Variants in SCEL observed in about 807,000 individuals in gnomAD.
The protein encoded by SCEL is sciellin.
Under a neutral mutation model 117.6 loss-of-function variants are expected in SCEL, and 113 were observed. The ratio of observed to expected loss-of-function variants is 0.96; its 90% CI spans 0.83 to 1.12. SCEL has a LOEUF of 1.12. SCEL is among the 50% of genes most tolerant of loss of function. The pLI, the probability that SCEL is intolerant of heterozygous loss-of-function variation, is 0.00. For missense variants in SCEL, 785 were observed against 810.8 expected, an observed-to-expected ratio of 0.97 and a Z score of 0.39; for synonymous variants, 270 against 256.2, an observed-to-expected ratio of 1.05 and a Z score of -0.51.
chr13:77,547,662 G>A lies in SCEL; in HGVS notation c.-19-8195G>A, dbSNP rs988794654. The stretch of plus-strand genomic sequence containing the variant: ...CAAAGAGCTCTGTAGAGGAAAACAG[G>A]TATCTCTTCATCATTTTATATTTAG... On this transcript the variant is annotated intron_variant, in intron 1 of 32. Coordinates refer to ENST00000349847, the MANE Select transcript of SCEL (RefSeq NM_144777.3). 3.9e-5 allele frequency among the ~76,000 whole-genome samples: 6 copies of A among 152,230 alleles called. No homozygotes were observed. In the South Asian group the frequency reaches 6.2e-4, roughly 16 times the overall value.
chr13:77,586,293 A>G (rs1270488739), intron 9 of SCEL, among the ~76,000 whole-genome samples: 1 of 152,064 alleles, frequency 6.6e-6, no homozygotes, highest in East Asian at 1.9e-4. Context: ...TTGCCCTGTA[A>G]ATAACCACAT....
chr13:77,632,443 C>G (rs558398740), intron 28 of SCEL, among the ~76,000 whole-genome samples: 1 of 152,290 alleles, frequency 6.6e-6, no homozygotes, highest in South Asian at 2.1e-4. Context: ...TTCTAATAAT[C>G]GTGTTAGAAA....
intron 1 of SCEL, among the ~76,000 whole-genome samples, chr13:77,552,941 C>T (rs981757365): frequency 1.3e-5 from 2 of 152,118 alleles, no homozygotes; most frequent in African/African-American, 4.8e-5. Context: ...AGCCAGTTTT[C>T]CCAGCACCAT....
At chr13:77,550,657 T>C (rs1481346483) in intron 1 of SCEL, among the ~76,000 whole-genome samples, 1 of 152,178 alleles carries the variant, frequency 6.6e-6, no homozygotes, top group African/African-American at 2.4e-5. Context: ...TTTAACTTAA[T>C]GTTTCAAGTT....
chr13:77,579,194 A>G (rs2154398573), intron 9 of SCEL, among the ~76,000 whole-genome samples: 1 of 152,306 alleles, frequency 6.6e-6, no homozygotes, highest in South Asian at 2.1e-4. Flanking sequence ...TACTTTTGTC[A>G]TCTGGACTCA....
At chr13:77,616,742 CTTTT>C (rs35205050) in intron 24 of SCEL, among the ~76,000 whole-genome samples, 2 of 133,586 alleles carry the variant, frequency 1.5e-5, no homozygotes, top group Admixed American at 7.5e-5. Flanking sequence ...AACTTGCATC[CTTTT>C]TTTTTTTTTT....
intron 1 of SCEL, among the ~76,000 whole-genome samples, chr13:77,554,854 A>G (rs1304409124): frequency 6.6e-6 from 1 of 152,074 alleles, no homozygotes; most frequent in Non-Finnish European, 1.5e-5. Context: ...GGACACTGGA[A>G]AGGACATAAT....
At chr13:77,571,726 TATATA>T (rs1567364885) in intron 8 of SCEL, among the ~76,000 whole-genome samples, 2 of 150,582 alleles carry the variant, frequency 1.3e-5, no homozygotes, top group East Asian at 1.9e-4. Flanking sequence ...TATATATATA[TATATA>T]GAGTAGAGTA....
intron 3 of SCEL, among the ~76,000 whole-genome samples, chr13:77,557,060 T>C (rs925289703): frequency 1.3e-5 from 2 of 152,226 alleles, no homozygotes; most frequent in Non-Finnish European, 2.9e-5. Context: ...CGGACAATCC[T>C]GCTCTGTTGA....
intron 27 of SCEL, among the ~76,000 whole-genome samples, chr13:77,618,450 G>A (rs1400319789): frequency 1.3e-5 from 2 of 152,022 alleles, no homozygotes; most frequent in Non-Finnish European, 2.9e-5. Flanking sequence ...CTAAATTGCT[G>A]GGATTACAGG....
At chr13:77,607,912 A>G (rs2088339171) in intron 19 of SCEL, 144 bp from the exon 20 acceptor site, 1 of 553,982 alleles carries the variant, frequency 1.8e-6, no homozygotes, top group Non-Finnish European at 3.2e-6. Context: ...CACCTTTCAC[A>G]ATCTTCAGTC....
In SCEL at chr13:77,637,401, C is replaced by A. The variant is rs9600903; in HGVS notation, c.1838+207C>A. ...ATATATACATATATAAATATATATA[C>A]ATATATAAATAAATATATATATATA... On this transcript the variant is annotated intron_variant, in intron 30 of 32. Transcript: ENST00000349847. 3.0e-5 allele frequency among the ~76,000 whole-genome samples: 3 copies of A among 101,174 alleles called. No homozygotes were observed. The Admixed American group carries it at 4.6e-4, about 15-fold the overall frequency. 66.4% of individuals were successfully genotyped at this position (101,174 alleles called of 152,430 possible).
intron 1 of SCEL, among the ~76,000 whole-genome samples, chr13:77,546,204 T>C (rs1369993162): frequency 3.3e-5 from 5 of 152,202 alleles, no homozygotes; most frequent in Non-Finnish European, 5.9e-5. Context: ...TTCCTGCTGC[T>C]CCTCTCACCT....
rs746519162 is a variant in SCEL, at chr13:77,589,128, G to C, written c.546-16G>C. Reference sequence around the variant, plus strand: ...TGTTTCCATGGTGAAATGAACTGCTGTTTTCTGTTTTAAAGGGAACCAGGT... The same window carrying C: ...TGTTTCCATGGTGAAATGAACTGCTCTTTTCTGTTTTAAAGGGAACCAGGT... On this transcript the variant is annotated splice_polypyrimidine_tract_variant and intron_variant, in intron 9 of 32. Coordinates refer to ENST00000349847, the MANE Select transcript of SCEL (RefSeq NM_144777.3). 6.3e-7 allele frequency: 1 copy of C among 1,593,438 alleles called. No individual in the cohort carries two copies. Among genetic ancestry groups the C allele is most frequent in the Non-Finnish European group, 8.6e-7 (1 of 1,163,504 alleles).
chr13:77,571,712 CATAT>C (rs35655886), intron 8 of SCEL, among the ~76,000 whole-genome samples: 1 of 145,096 alleles, frequency 6.9e-6, no homozygotes. Flanking sequence ...AAAAATAAAA[CATAT>C]ATATATATAT....
chr13:77,638,184 A>T (rs1436131107), intron 30 of SCEL, among the ~76,000 whole-genome samples: 1 of 152,170 alleles, frequency 6.6e-6, no homozygotes, highest in Non-Finnish European at 1.5e-5. Flanking sequence ...AAAAACATGA[A>T]CCTATGTTCC....
At chr13:77,630,433 G>T (rs1036200101) in intron 28 of SCEL, among the ~76,000 whole-genome samples, 4 of 152,140 alleles carry the variant, frequency 2.6e-5, no homozygotes, top group African/African-American at 9.7e-5. Flanking sequence ...ATCACCTGAT[G>T]ACATTTGGAT....
intron 11 of SCEL, 78 bp downstream of exon 11, chr13:77,591,538 G>A: frequency 2.5e-6 from 2 of 812,960 alleles, no homozygotes; most frequent in Non-Finnish European, 2.0e-6. Flanking sequence ...AAAAATGCAA[G>A]GCAATTAATA....
chr13:77,550,594 T>A (rs1207222440), intron 1 of SCEL, among the ~76,000 whole-genome samples: 1 of 152,036 alleles, frequency 6.6e-6, no homozygotes, highest in African/African-American at 2.4e-5. Context: ...TTCTGTACAT[T>A]TCATATCAAT....
Sources: allele counts gnomAD v4.1 joint callset (sites outside exome capture counted in the v4.1 genomes callset), GRCh38; gene constraint gnomAD v4.1.1; transcripts MANE v1.5; gene names NCBI Gene and HGNC (gene_info 2026-07-23, HGNC 2026-07-21).